NQO2: variants seen among roughly 807,000 people sequenced by gnomAD.
The protein encoded by NQO2 is N-ribosyldihydronicotinamide:quinone dehydrogenase 2.
In NQO2, 18 loss-of-function variants were observed where a neutral mutation model predicts 22.0. The ratio of observed to expected loss-of-function variants is 0.82; its 90% CI spans 0.56 to 1.21. The LOEUF (loss-of-function observed/expected upper bound fraction) is 1.21, where lower values mean the gene tolerates loss of function less well. Ranked by LOEUF, NQO2 falls within the 50% of genes most tolerant of loss-of-function variation. NQO2 has a pLI of 0.00. For missense variants in NQO2, 267 were observed against 286.9 expected, an observed-to-expected ratio of 0.93 and a Z score of 0.50; for synonymous variants, 106 against 110.8, an observed-to-expected ratio of 0.96 and a Z score of 0.28.
In NQO2 at chr6:3,016,905, G is replaced by A. The variant is rs373177858; in HGVS notation, c.439G>A (p.Val147Ile). 21 of 1,612,500 alleles carry A rather than the reference G, an allele frequency of 1.3e-5. No homozygotes were observed. The highest frequency in any genetic ancestry group is 1.0e-4 in the Admixed American group (6 of 59,884). The change falls in exon 6 of 7, where the codon GTA becomes ATA. Residue 147 changes from valine (V) to isoleucine (I), a missense_variant. Transcript: ENST00000380455. Reference protein sequence around the residue: ...LLQGKLALLSVTTGGTAEMYT... With the variant: ...LLQGKLALLSITTGGTAEMYT... ...GCAGGGTAAACTAGCGCTCCTTTCC[G>A]TAACCACGGGAGGCACGGCCGAGAT...
chr6:3,017,345 C>T (rs548576061), intron 6 of NQO2, among the ~76,000 whole-genome samples: 67 of 152,280 alleles, frequency 4.4e-4, no homozygotes, highest in African/African-American at 1.5e-3. Flanking sequence ...GTGATACGTG[C>T]GGGTGGAGGC....
intron 5 of NQO2, 107 bp downstream of exon 5, chr6:3,015,750 A>G: frequency 9.3e-7 from 1 of 1,072,848 alleles, no homozygotes; most frequent in Non-Finnish European, 1.4e-6. Flanking sequence ...CTTAGCAAAT[A>G]TCGATTGAGC....
chr6:3,011,684 G>A (rs1379673214), intron 3 of NQO2, among the ~76,000 whole-genome samples: 2 of 152,164 alleles, frequency 1.3e-5, no homozygotes, highest in Admixed American at 1.3e-4. Context: ...ACAAAAAGAG[G>A]ATCCTAAAAG....
chr6:3,014,078 A>C (rs1280100934), intron 4 of NQO2, among the ~76,000 whole-genome samples: 2 of 152,194 alleles, frequency 1.3e-5, no homozygotes, highest in Non-Finnish European at 2.9e-5. Context: ...CACTGTTCGC[A>C]TGAGTCCGCC....
chr6:3,006,681 G>T lies in NQO2; in HGVS notation c.7+122G>T, dbSNP rs1007253302. 38 of 961,638 alleles carry T rather than the reference G, an allele frequency of 4.0e-5. No individual in the cohort carries two copies. The highest frequency in any genetic ancestry group is 5.5e-5 in the Non-Finnish European group (37 of 673,180). 59.6% of individuals were successfully genotyped at this position (961,638 alleles called of 1,614,324 possible). A position where few individuals can be genotyped will look rare whatever the true frequency, so the allele number is the denominator to read the frequency against. ...CCCTCCCACATTGACCTTCCAGGTGGGAGTTAGACTCTTAATCAGAAATTG... is the reference window on the plus strand; with the variant it reads ...CCCTCCCACATTGACCTTCCAGGTGTGAGTTAGACTCTTAATCAGAAATTG... On this transcript the variant is annotated intron_variant, in intron 2 of 6. Coordinates refer to ENST00000380455, the MANE Select transcript of NQO2 (RefSeq NM_000904.6). This position sits in a 1 kb window ranked among gnomAD's most constrained non-coding sequence, Gnocchi z 4.0.
In NQO2 at chr6:3,014,393, C is replaced by T. The variant is rs560524554; in HGVS notation, c.304-1137C>T. ...TGGTTTACCATCTCCGTCTTAATAC[C>T]ATGCCAGTATGACGGGCCTGTATCC... On this transcript the variant is annotated intron_variant, in intron 4 of 6. Coordinates refer to ENST00000380455, the MANE Select transcript of NQO2 (RefSeq NM_000904.6). 2.1e-4 allele frequency among the ~76,000 whole-genome samples: 32 copies of T among 152,248 alleles called. No homozygotes were observed. In the South Asian group the frequency reaches 6.6e-3, roughly 32 times the overall value.
intron 5 of NQO2, among the ~76,000 whole-genome samples, 199 bp downstream of exon 5, chr6:3,015,842 G>C (rs114229797): frequency 0.018 from 2,793 of 152,328 alleles, 87 homozygotes; most frequent in African/African-American, 0.063. Flanking sequence ...TTTGTCTGGT[G>C]GGGCTGCGAA....
intron 5 of NQO2, among the ~76,000 whole-genome samples, chr6:3,015,849 C>T (rs560162238): frequency 3.8e-4 from 58 of 152,312 alleles, no homozygotes; most frequent in African/African-American, 1.4e-3. Flanking sequence ...GGTGGGGCTG[C>T]GAACACATCC....
chr6:3,018,517 A>G lies in NQO2; in HGVS notation c.520-962A>G, dbSNP rs75869170. Among the ~76,000 whole-genome samples, 1,146 of 152,286 alleles carry G rather than the reference A, an allele frequency of 7.5e-3. 10 individuals are homozygous for G. The highest frequency in any genetic ancestry group is 0.02 in the Middle Eastern group (6 of 294). ...GAGAATCCACCTCAAAAACAAGCAAACAAACAAACAAATAAATAAAATGAT... is the reference window on the plus strand; with the variant it reads ...GAGAATCCACCTCAAAAACAAGCAAGCAAACAAACAAATAAATAAAATGAT... On this transcript the variant is annotated intron_variant, in intron 6 of 6. Coordinates refer to ENST00000380455, the MANE Select transcript of NQO2 (RefSeq NM_000904.6).
In NQO2 at chr6:3,019,620, A is replaced by C; in HGVS notation, c.661A>C (p.Ile221Leu). 11 of 1,613,952 alleles carry C rather than the reference A, an allele frequency of 6.8e-6. No individual in the cohort carries two copies. Among genetic ancestry groups the C allele is most frequent in the Non-Finnish European group, 7.6e-6 (9 of 1,179,960 alleles). ...RLQTIWKEEPIPCTAHWHFGQ is the reference protein window; with the variant it reads ...RLQTIWKEEPLPCTAHWHFGQ ...GCAGACCATCTGGAAGGAAGAGCCC[A>C]TCCCCTGCACAGCCCACTGGCACTT... The change falls in exon 7 of 7, where the codon ATC becomes CTC. Residue 221 changes from isoleucine to leucine, a missense_variant. Coordinates refer to ENST00000380455, the MANE Select transcript of NQO2 (RefSeq NM_000904.6).
rs747989855 is a variant in NQO2, at chr6:3,016,922, G to A, written c.456G>A (p.Thr152=). ...TCCTTTCCGTAACCACGGGAGGCAC[G>A]GCCGAGATGTACACGAAGACAGGAG... ...LALLSVTTGG[T]AEMYTKTGVN... The change falls in exon 6 of 7, where the codon ACG becomes ACA. Residue 152 remains threonine, a synonymous_variant. Coordinates refer to ENST00000380455, the MANE Select transcript of NQO2 (RefSeq NM_000904.6). The A allele has an allele frequency of 2.5e-5, 41 of 1,612,388 alleles. No homozygotes were observed. The highest frequency in any genetic ancestry group is 3.3e-5 in the Admixed American group (2 of 59,888).
intron 6 of NQO2, among the ~76,000 whole-genome samples, chr6:3,017,234 A>G (rs1757363539): frequency 6.6e-6 from 1 of 152,224 alleles, no homozygotes; most frequent in South Asian, 2.1e-4. Context: ...AATAGGGAAA[A>G]CATGCCCTAA....
At position 3,019,702 on chromosome 6, in the gene NQO2, G is replaced by A. The variant is rs747033207; in HGVS notation, c.*47G>A. The stretch of plus-strand genomic sequence containing the variant: ...CGTAAGCAGCACACTAGGAGGCCCA[G>A]GCGCAGGCAAAGAGAAGATGGTGCT... On this transcript the variant is annotated 3_prime_UTR_variant, in exon 7 of 7. Coordinates refer to ENST00000380455, the MANE Select transcript of NQO2 (RefSeq NM_000904.6). 2.2e-5 allele frequency: 32 copies of A among 1,470,292 alleles called. No homozygotes were observed. In the South Asian group the frequency reaches 4.1e-4, roughly 19 times the overall value. 91.1% of individuals were successfully genotyped at this position (1,470,292 alleles called of 1,614,324 possible).
At chr6:3,002,140 G>C (rs1237064227) in intron 1 of NQO2, 29 of 885,964 alleles carry the variant, frequency 3.3e-5, no homozygotes, top group Non-Finnish European at 3.9e-5. Flanking sequence ...AGGGAGTGGT[G>C]AGCTGGGGAC....
Position 3,006,503 on chromosome 6 carries a change from A to G in NQO2, c.-50A>G, listed in dbSNP as rs763456560. ...TCGCTGAAGAGAGACTACGCAGGAAAGCCCCAGCCACCCATCAAATCAGAG... is the reference window on the plus strand; with the variant it reads ...TCGCTGAAGAGAGACTACGCAGGAAGGCCCCAGCCACCCATCAAATCAGAG... On this transcript the variant is annotated 5_prime_UTR_variant, in exon 2 of 7. Coordinates refer to ENST00000380455, the MANE Select transcript of NQO2 (RefSeq NM_000904.6). This position sits in a 1 kb window ranked among gnomAD's most constrained non-coding sequence, Gnocchi z 4.0. 6 of 1,612,754 alleles carry G rather than the reference A, an allele frequency of 3.7e-6. No homozygotes were observed. Among genetic ancestry groups the G allele is most frequent in the Non-Finnish European group, 3.4e-6 (4 of 1,179,408 alleles).
intron 6 of NQO2, 130 bp downstream of exon 6, chr6:3,017,115 G>A (rs2113464402): frequency 9.4e-7 from 1 of 1,067,304 alleles, no homozygotes; most frequent in African/African-American, 1.6e-5. Flanking sequence ...GAGATGAGAT[G>A]GGATGGAAGC....
chr6:3,004,329 A>T (rs1430012146), intron 1 of NQO2: 1 of 985,342 alleles, frequency 1.0e-6, no homozygotes, highest in African/African-American at 1.7e-5. Context: ...TGTCCAGTGA[A>T]GTCAAGCGAA....
chr6:3,002,337 C>T (rs1453785139), intron 1 of NQO2: 1 of 703,658 alleles, frequency 1.4e-6, no homozygotes. Context: ...GAGACAGAGT[C>T]TTGCTCTGTT....
At chr6:3,000,511 C>G (rs539075108) in intron 1 of NQO2, 2 of 151,916 alleles carry the variant, frequency 1.3e-5, no homozygotes, top group African/African-American at 2.4e-5. Context: ...GCTTCTCTAA[C>G]CTATAATCTC....
Sources: allele counts gnomAD v4.1 joint callset (sites outside exome capture counted in the v4.1 genomes callset), GRCh38; gene constraint gnomAD v4.1.1; non-coding constraint Gnocchi (gnomAD v3.1); transcripts MANE v1.5; gene names NCBI Gene and HGNC (gene_info 2026-07-23, HGNC 2026-07-21).